Variants in CMYA5 observed in about 807,000 individuals in gnomAD.
CMYA5 encodes the protein cardiomyopathy associated 5.
A neutral mutation model predicts 318.9 loss-of-function variants in CMYA5; 246 were observed. The ratio of observed to expected loss-of-function variants is 0.77; its 90% CI spans 0.70 to 0.86. The LOEUF is 0.86. Ranked by LOEUF, CMYA5 falls within the 40% of genes least tolerant of loss-of-function variation. The pLI is 0.00. For synonymous variants in CMYA5, 1,641 were observed against 1,729.5 expected, an observed-to-expected ratio of 0.95 and a Z score of 1.27; for missense variants, 4,589 against 4,678.2, an observed-to-expected ratio of 0.98 and a Z score of 0.56.
intron 1 of CMYA5, among the ~76,000 whole-genome samples, chr5:79,724,278 C>T (rs187767927): frequency 2.6e-5 from 4 of 152,074 alleles, no homozygotes; most frequent in African/African-American, 4.8e-5. Flanking sequence ...GAGCCGAGAT[C>T]GCACCATAAA....
intron 1 of CMYA5, among the ~76,000 whole-genome samples, chr5:79,696,251 G>A (rs542411826): frequency 6.7e-4 from 102 of 152,262 alleles, no homozygotes; most frequent in Middle Eastern, 3.4e-3. Context: ...CATCAGTGCC[G>A]CCTTCTGTGA....
Position 79,689,844 on chromosome 5 carries a change from G to T in CMYA5, c.-64G>T. The T allele has an allele frequency of 4.8e-6, 3 of 622,146 alleles. No homozygotes were observed. The highest frequency in any genetic ancestry group is 3.6e-5 in the South Asian group (2 of 56,190). The allele number at this position is 622,146 out of a possible 1,614,324, so 38.5% of individuals were successfully genotyped here. The stretch of plus-strand genomic sequence containing the variant: ...AGGGCAGGGGCCAGAGCAGTCGGAG[G>T]GAGAACACCAGGCGCGGCGCGGGCG... On this transcript the variant is annotated 5_prime_UTR_variant, in exon 1 of 13. Coordinates refer to ENST00000446378, the MANE Select transcript of CMYA5 (RefSeq NM_153610.5).
intron 5 of CMYA5, 118 bp downstream of exon 5, chr5:79,747,231 A>G: frequency 1.1e-6 from 1 of 925,962 alleles, no homozygotes; most frequent in Non-Finnish European, 1.6e-6. Flanking sequence ...AGTGGGCTAC[A>G]GTATTTTCAC....
chr5:79,790,872 C>A, intron 10 of CMYA5, 98 bp from the exon 11 acceptor site: 2 of 747,206 alleles, frequency 2.7e-6, no homozygotes, highest in South Asian at 3.5e-5. Flanking sequence ...ATTTTGACGT[C>A]AGGGGAAAGA....
At chr5:79,692,732 C>CT (rs1826991793) in intron 1 of CMYA5, among the ~76,000 whole-genome samples, 1 of 152,132 alleles carries the variant, frequency 6.6e-6, no homozygotes, top group African/African-American at 2.4e-5. Context: ...TCCCATTAAG[C>CT]TTTAGTTTCT....
At chr5:79,765,569 T>A (rs941497451) in intron 9 of CMYA5, among the ~76,000 whole-genome samples, 2 of 152,208 alleles carry the variant, frequency 1.3e-5, no homozygotes, top group Admixed American at 1.3e-4. Flanking sequence ...AATCTGTAAA[T>A]TCCTTTGGGC....
At chr5:79,762,751 C>T in intron 8 of CMYA5, 1 of 263,170 alleles carries the variant, frequency 3.8e-6, no homozygotes. Context: ...CTTGTGTGTA[C>T]TGGGACAGGG....
rs770375303 is a variant in CMYA5, at chr5:79,730,139, G to A, written c.1374G>A (p.Pro458=). 9.2e-5 allele frequency: 148 copies of A among 1,613,700 alleles called. 1 individual carries two copies. The highest frequency in any genetic ancestry group is 2.5e-4 in the South Asian group (23 of 91,086). The change falls in exon 2 of 13, where the codon CCG becomes CCA. Residue 458 remains proline, a synonymous_variant. Transcript: ENST00000446378. The part of the protein sequence containing the change: ...QDGLDPDQEQ[P]DLTSIERAEP... ...GTTTGGACCCAGACCAAGAACAGCC[G>A]GACCTGACTTCAATAGAAAGGGCAG...
intron 1 of CMYA5, among the ~76,000 whole-genome samples, chr5:79,703,239 A>C (rs1396539083): frequency 1.3e-5 from 2 of 152,224 alleles, no homozygotes; most frequent in African/African-American, 4.8e-5. Context: ...CAATAGAATA[A>C]ACTAGTTAAT....
Position 79,730,638 on chromosome 5 carries a change from G to T in CMYA5, c.1873G>T (p.Ala625Ser). The change falls in exon 2 of 13, where the codon GCT becomes TCT. Residue 625 changes from alanine (A) to serine (S), a missense_variant. Physicochemically the swap from Ala to Ser is moderately conservative, Grantham distance 99. Around this residue, in one of 3 missense-constraint regions of CMYA5, gnomAD observed 2,132 missense variants for 2,131.3 expected, o/e 1.00. Coordinates refer to ENST00000446378, the MANE Select transcript of CMYA5 (RefSeq NM_153610.5). Reference protein sequence around the residue: ...PVPPSNVEAIAEHAVLSEEEN... With the variant: ...PVPPSNVEAISEHAVLSEEEN... ...TCCCCCATCCAATGTAGAAGCTATA[G>T]CTGAACATGCAGTTTTGTCAGAAGA... 1 of 1,614,040 alleles carries T rather than the reference G, an allele frequency of 6.2e-7. No homozygotes were observed. Among genetic ancestry groups the T allele is most frequent in the Non-Finnish European group, 8.5e-7 (1 of 1,179,896 alleles).
In CMYA5 at chr5:79,731,826, C is replaced by T. The variant is rs1827914766; in HGVS notation, c.3061C>T (p.Leu1021Phe). 3 of 1,612,974 alleles carry T rather than the reference C, an allele frequency of 1.9e-6. No individual in the cohort carries two copies. The Admixed American group carries it at 5.0e-5, about 27-fold the overall frequency. ...FRISETEKNE[L>F]EPDSLLTAVS... ...AATCTCAGAAACAGAGAAAAATGAA[C>T]TTGAGCCTGATTCACTATTAACTGC... The change falls in exon 2 of 13, where the codon CTT (leucine) becomes TTT (phenylalanine). Residue 1021 changes from leucine to phenylalanine, a missense_variant. Coordinates refer to ENST00000446378, the MANE Select transcript of CMYA5 (RefSeq NM_153610.5).
Position 79,799,770 on chromosome 5 carries a change from A to C in CMYA5, c.*154A>C, listed in dbSNP as rs1829341217. ...AGCAATCAGCATGTGAGCAAAATCG[A>C]CAAGAAAACCTTGACTTTACAGAGC... is the stretch of plus-strand genomic sequence containing the variant. On this transcript the variant is annotated 3_prime_UTR_variant, in exon 13 of 13. Transcript: ENST00000446378. 2 of 975,374 alleles carry C rather than the reference A, an allele frequency of 2.1e-6. No individual in the cohort carries two copies. Among genetic ancestry groups the C allele is most frequent in the Admixed American group, 3.0e-5 (1 of 33,282 alleles). 60.4% of individuals were successfully genotyped at this position (975,374 alleles called of 1,614,324 possible). A position where few individuals can be genotyped will look rare whatever the true frequency, so the allele number is the denominator to read the frequency against.
At chr5:79,713,829 G>A (rs367960342) in intron 1 of CMYA5, among the ~76,000 whole-genome samples, 22 of 152,170 alleles carry the variant, frequency 1.4e-4, no homozygotes, top group South Asian at 8.3e-4. Context: ...ATTTTGGTTC[G>A]GGAGGAGTAG....
chr5:79,696,232 G>A (rs937427460), intron 1 of CMYA5, among the ~76,000 whole-genome samples: 6 of 152,224 alleles, frequency 3.9e-5, no homozygotes, highest in African/African-American at 1.4e-4. Context: ...CAGTTAAGGT[G>A]TCTGCAGTCA....
chr5:79,693,153 G>A (rs1827001428), intron 1 of CMYA5, among the ~76,000 whole-genome samples: 1 of 152,150 alleles, frequency 6.6e-6, no homozygotes, highest in African/African-American at 2.4e-5. Flanking sequence ...CATAGTGCTT[G>A]TAGTTTGTGG....
Position 79,799,857 on chromosome 5 carries a change from T to TGA in CMYA5, c.*241_*242insGA. 1 of 280,262 alleles carries TGA rather than the reference T, an allele frequency of 3.6e-6. No homozygotes were observed. Among genetic ancestry groups the TGA allele is most frequent in the Non-Finnish European group, 6.5e-6 (1 of 152,988 alleles). 17.4% of individuals were successfully genotyped at this position (280,262 alleles called of 1,614,324 possible). A position where few individuals can be genotyped will look rare whatever the true frequency, so the allele number is the denominator to read the frequency against. On this transcript the variant is annotated 3_prime_UTR_variant, in exon 13 of 13. Coordinates refer to ENST00000446378, the MANE Select transcript of CMYA5 (RefSeq NM_153610.5). ...ACTCTTTAGTTTATATAAGTTTGAG[T>TGA]TCTTTCCTAAATTAAAAGATCTACA...
intron 1 of CMYA5, among the ~76,000 whole-genome samples, chr5:79,697,296 G>A (rs1372220678): frequency 6.6e-6 from 1 of 152,170 alleles, no homozygotes; most frequent in Non-Finnish European, 1.5e-5. Flanking sequence ...TCATTCCCCT[G>A]GGAGTTTTCA....
At position 79,738,034 on chromosome 5, in the gene CMYA5, C is replaced by A; in HGVS notation, c.9269C>A (p.Thr3090Asn). 6.2e-7 allele frequency: 1 copy of A among 1,613,290 alleles called. No homozygotes were observed. The highest frequency in any genetic ancestry group is 8.5e-7 in the Non-Finnish European group (1 of 1,179,692). Residue 3090 changes from threonine to asparagine, a missense_variant, in exon 2 of 13, where the codon ACT becomes AAT. Thr to Asn is a moderately conservative substitution (Grantham distance 65). This residue lies in a region of CMYA5 where 2,431 missense variants were observed against 2,495.1 expected (regional missense o/e 0.97). Transcript: ENST00000446378. ...CTCTCAAAGGAAGTTACAGAAGAAA[C>A]TATCTCTTTCCCAGTAAGTTCAGTG... ...EKLSKEVTEE[T>N]ISFPVSSVES...
intron 1 of CMYA5, among the ~76,000 whole-genome samples, chr5:79,707,618 A>C (rs1827299252): frequency 6.6e-6 from 1 of 152,246 alleles, no homozygotes; most frequent in Non-Finnish European, 1.5e-5. Flanking sequence ...AAGGAAAAGG[A>C]AGAGAAGAAA....
Sources: allele counts gnomAD v4.1 joint callset (sites outside exome capture counted in the v4.1 genomes callset), GRCh38; gene constraint gnomAD v4.1.1; regional missense constraint gnomAD v4.1.1; transcripts MANE v1.5; gene names NCBI Gene and HGNC (gene_info 2026-07-23, HGNC 2026-07-21).